The following CCP110 variants were observed in gnomAD, a reference collection of about 807,000 sequenced individuals.
The protein encoded by CCP110 is centriolar coiled-coil protein 110.
A neutral mutation model predicts 105.5 loss-of-function variants in CCP110; 43 were observed. That is an observed-to-expected ratio of 0.41 (90% CI 0.32 to 0.53). CCP110 has a LOEUF of 0.53. Among genes scored for constraint, CCP110 ranks in the 20% least tolerant of loss-of-function variants. The pLI is 0.32. For synonymous variants in CCP110, 353 were observed against 392.1 expected (o/e 0.90, Z 1.18); for missense variants, 1,016 against 1,189.1 (o/e 0.85, Z 2.14).
At chr16:19,546,121 G>A (rs1970449714) in intron 11 of CCP110, 1 of 521,684 alleles carries the variant, frequency 1.9e-6, no homozygotes, top group African/African-American at 1.9e-5. Context: ...ATAACTGATA[G>A]CTGGTTAATC....
intron 11 of CCP110, 55 bp downstream of exon 11, chr16:19,545,945 CT>C: frequency 4.0e-6 from 4 of 998,860 alleles, no homozygotes; most frequent in Non-Finnish European, 6.2e-6. Context: ...TTTTAGTCAT[CT>C]GTTGGTCTAT....
exon 6 of CCP110, chr16:19,541,993 G>T (rs368856612): frequency 1.9e-6 from 3 of 1,612,574 alleles, no homozygotes; most frequent in Non-Finnish European, 1.7e-6. Context: ...AGAAAAATAA[G>T]TGACTCTAGT....
exon 2 of CCP110, chr16:19,527,952 G>T (rs1969732108): frequency 6.2e-7 from 1 of 1,613,486 alleles, no homozygotes; most frequent in Non-Finnish European, 8.5e-7. Flanking sequence ...TCCACAGAGA[G>T]CTTTCTCCCT....
chr16:19,542,588 A>T, intron 6 of CCP110, 33 bp from the exon 7 acceptor site: 1 of 1,488,048 alleles, frequency 6.7e-7, no homozygotes, highest in Non-Finnish European at 9.4e-7. Flanking sequence ...ATTATATGAC[A>T]TCAAGTATAA....
chr16:19,527,767 T>C (rs1437211755), intron 1 of CCP110, 100 bp from the exon 2 acceptor site: 3 of 842,420 alleles, frequency 3.6e-6, no homozygotes, highest in Non-Finnish European at 1.7e-6. Context: ...GTTATAGGAA[T>C]TGTGAATTAT....
intron 2 of CCP110, among the ~76,000 whole-genome samples, chr16:19,529,204 G>A (rs1969780826): frequency 6.6e-6 from 1 of 152,116 alleles, no homozygotes; most frequent in Non-Finnish European, 1.5e-5. Flanking sequence ...TCCTTTTCTG[G>A]GGAGTGGTGA....
Position 19,548,183 on chromosome 16 carries a change from C to G in CCP110, c.2900+169C>G. On this transcript the variant is annotated intron_variant, in intron 13 of 14. Transcript: ENST00000381396. The surrounding 1 kb of genome is among the most constrained non-coding windows in gnomAD (Gnocchi z 4.1). Reference sequence around the variant, plus strand: ...TAAAGTTTTGTCTTCAAATGTAACCCTCTTGGTGTACTGTTGTGTATTCTA... The same window carrying G: ...TAAAGTTTTGTCTTCAAATGTAACCGTCTTGGTGTACTGTTGTGTATTCTA... The G allele has an allele frequency of 3.0e-6, 2 of 663,940 alleles. No homozygotes were observed. The highest frequency in any genetic ancestry group is 2.7e-6 in the Non-Finnish European group (1 of 370,934). The allele number at this position is 663,940 out of a possible 1,614,324, so 41.1% of individuals were successfully genotyped here.
At chr16:19,534,841 A>G (rs1969991942) in intron 3 of CCP110, among the ~76,000 whole-genome samples, 1 of 151,852 alleles carries the variant, frequency 6.6e-6, no homozygotes, top group Non-Finnish European at 1.5e-5. Flanking sequence ...AAGCACATTC[A>G]AAACAACCAA....
At chr16:19,540,460 C>T (rs1193115890) in intron 4 of CCP110, among the ~76,000 whole-genome samples, 197 bp from the exon 5 acceptor site, 2 of 152,070 alleles carry the variant, frequency 1.3e-5, no homozygotes, top group Non-Finnish European at 2.9e-5. Flanking sequence ...AAAGGTGATG[C>T]AATACAGGTC....
rs1970252998 is a variant in CCP110, at chr16:19,540,859, T to C, written c.2049+72T>C. 2.1e-6 allele frequency: 3 copies of C among 1,403,246 alleles called. No individual in the cohort carries two copies. The South Asian group carries it at 3.9e-5, about 18-fold the overall frequency. The allele number at this position is 1,403,246 out of a possible 1,614,324, so 86.9% of individuals were successfully genotyped here. A position where few individuals can be genotyped will look rare whatever the true frequency, so the allele number is the denominator to read the frequency against. ...AGGATACCTATGAATTTTGGTCATGTATAGAATACGTGTAATTTTTGCCTC... is the reference window on the plus strand; with the variant it reads ...AGGATACCTATGAATTTTGGTCATGCATAGAATACGTGTAATTTTTGCCTC... On this transcript the variant is annotated intron_variant, in intron 5 of 14. Transcript: ENST00000381396.
chr16:19,537,316 C>A (rs959147949), exon 4 of CCP110: 45 of 1,614,046 alleles, frequency 2.8e-5, no homozygotes, highest in Non-Finnish European at 3.7e-5. Context: ...ATGTAAAAAA[C>A]CCTTCTCCTT....
exon 4 of CCP110, chr16:19,537,076 A>T: frequency 6.2e-7 from 1 of 1,614,238 alleles, no homozygotes; most frequent in East Asian, 2.2e-5. Context: ...GAAATCATTT[A>T]GAAAATAAAG....
intron 2 of CCP110, 64 bp downstream of exon 2, chr16:19,528,086 A>G (rs1969738362): frequency 1.5e-6 from 2 of 1,342,026 alleles, no homozygotes; most frequent in African/African-American, 3.0e-5. Flanking sequence ...GTTCGTGGAA[A>G]AACAAAAGAA....
At chr16:19,530,146 C>A (rs1039694790) in intron 2 of CCP110, among the ~76,000 whole-genome samples, 1 of 151,750 alleles carries the variant, frequency 6.6e-6, no homozygotes, top group Non-Finnish European at 1.5e-5. Flanking sequence ...GCGGTGAACC[C>A]TGATCATGCC....
chr16:19,536,571 T>C, exon 4 of CCP110: 1 of 1,614,174 alleles, frequency 6.2e-7, no homozygotes, highest in Non-Finnish European at 8.5e-7. Flanking sequence ...TCAAATGTTC[T>C]TCTCCAAGGT....
At chr16:19,543,844 C>T (rs1303527555) in intron 8 of CCP110, among the ~76,000 whole-genome samples, 10 of 152,104 alleles carry the variant, frequency 6.6e-5, no homozygotes, top group African/African-American at 1.9e-4. Context: ...GTGGTCGGAC[C>T]AGTTCTCTGC....
At position 19,544,910 on chromosome 16, in the gene CCP110, G is replaced by A; in HGVS notation, c.2586+12G>A. Reference sequence around the variant, plus strand: ...GAGTGTTAGCTCAGGTAAATACATGGATCCTGAAGGCTTTTAAGACATGGA... The same window carrying A: ...GAGTGTTAGCTCAGGTAAATACATGAATCCTGAAGGCTTTTAAGACATGGA... On this transcript the variant is annotated intron_variant, in intron 9 of 14. Transcript: ENST00000381396. The A allele has an allele frequency of 7.3e-7, 1 of 1,364,668 alleles. No homozygotes were observed. The highest frequency in any genetic ancestry group is 1.0e-6 in the Non-Finnish European group (1 of 963,734). The allele number at this position is 1,364,668 out of a possible 1,614,324, so 84.5% of individuals were successfully genotyped here.
At chr16:19,540,816 G>T (rs764340557) in intron 5 of CCP110, 29 bp downstream of exon 5, 46 of 1,598,718 alleles carry the variant, frequency 2.9e-5, no homozygotes, top group Non-Finnish European at 3.6e-5. Flanking sequence ...GATACAACTG[G>T]TAAGTGAAAT....
exon 15 of CCP110, chr16:19,552,596 T>A (rs961289426): frequency 6.6e-6 from 1 of 151,334 alleles, no homozygotes; most frequent in African/African-American, 2.4e-5. Flanking sequence ...TGAGGGAGAA[T>A]GTCACTATTA....
Sources: allele counts gnomAD v4.1 joint callset (sites outside exome capture counted in the v4.1 genomes callset), GRCh38; gene constraint gnomAD v4.1.1; non-coding constraint Gnocchi (gnomAD v3.1); transcripts MANE v1.5; gene names NCBI Gene and HGNC (gene_info 2026-07-23, HGNC 2026-07-21).